The following NAALADL2 variants were observed in gnomAD, a reference collection of about 807,000 sequenced individuals.
NAALADL2 encodes the protein N-acetylated alpha-linked acidic dipeptidase like 2.
NAALADL2 carries 76 observed loss-of-function variants against 87.2 expected under a neutral mutation model. That is an observed-to-expected ratio of 0.87 (90% CI 0.72 to 1.05). NAALADL2 has a LOEUF of 1.05. Ranked by LOEUF, NAALADL2 falls within the 50% of genes least tolerant of loss-of-function variation. The pLI is 0.00. For missense variants in NAALADL2, 1,089 were observed against 945.8 expected, an observed-to-expected ratio of 1.15 and a Z score of -1.99; for synonymous variants, 354 against 331.0, an observed-to-expected ratio of 1.07 and a Z score of -0.75.
intron 2 of NAALADL2, among the ~76,000 whole-genome samples, chr3:175,159,711 G>C (rs1732837019): frequency 6.6e-6 from 1 of 152,154 alleles, no homozygotes; most frequent in African/African-American, 2.4e-5. Flanking sequence ...TAGTACCTAA[G>C]TAGTTTTGTG....
At chr3:175,458,335 C>T (rs1722626366) in intron 6 of NAALADL2, among the ~76,000 whole-genome samples, 1 of 151,340 alleles carries the variant, frequency 6.6e-6, no homozygotes, top group Admixed American at 6.6e-5. Context: ...TCTATACACT[C>T]AGATTTATAT....
At chr3:175,302,180 C>T (rs1757164539) in intron 4 of NAALADL2, among the ~76,000 whole-genome samples, 2 of 152,116 alleles carry the variant, frequency 1.3e-5, no homozygotes, top group Admixed American at 1.3e-4. Flanking sequence ...TAAGTTATTA[C>T]AATCTTCAAA....
At chr3:175,472,593 A>G (rs1006186916) in intron 9 of NAALADL2, among the ~76,000 whole-genome samples, 26 of 143,948 alleles carry the variant, frequency 1.8e-4, no homozygotes, top group Admixed American at 6.7e-4. Flanking sequence ...AACTAGACAA[A>G]GAGAGAGGCA....
chr3:175,038,761 G>A (rs1007330790), intron 1 of NAALADL2, among the ~76,000 whole-genome samples: 8 of 151,982 alleles, frequency 5.3e-5, no homozygotes, highest in African/African-American at 1.7e-4. Context: ...TAAATTTTAC[G>A]TGCTGAGGTG....
rs1435588955 is a variant in NAALADL2, at chr3:174,655,097, T to C, written c.-114-82544T>C. 2.6e-5 allele frequency among the ~76,000 whole-genome samples: 4 copies of C among 152,192 alleles called. No individual in the cohort carries two copies. In the East Asian group the frequency reaches 7.7e-4, roughly 29 times the overall value. On this transcript the variant is annotated intron_variant, in intron 2 of 3. Transcript: ENST00000434257. ...AGTGTGACTGCATGCATATTTATTT[T>C]TTAGAATTAAAAATTAATTACATTA...
At chr3:175,562,001 T>C (rs1406937792) in intron 9 of NAALADL2, among the ~76,000 whole-genome samples, 1 of 152,202 alleles carries the variant, frequency 6.6e-6, no homozygotes, top group Non-Finnish European at 1.5e-5. Context: ...GTGTGCTTTT[T>C]GTGTCTGTCT....
At chr3:174,886,166 G>C (rs1213894216) in intron 1 of NAALADL2, among the ~76,000 whole-genome samples, 1 of 151,846 alleles carries the variant, frequency 6.6e-6, no homozygotes, top group African/African-American at 2.4e-5. Flanking sequence ...ACCCACCTTG[G>C]CCTCCCAAAG....
At chr3:174,833,837 T>G (rs970177371) in intron 3 of NAALADL2, among the ~76,000 whole-genome samples, 2 of 150,010 alleles carry the variant, frequency 1.3e-5, no homozygotes, top group African/African-American at 4.9e-5. Context: ...CAAAAGAGAT[T>G]TGCCAAAATT....
At chr3:174,801,930 A>G (rs1464766990) in intron 3 of NAALADL2, among the ~76,000 whole-genome samples, 1 of 152,084 alleles carries the variant, frequency 6.6e-6, no homozygotes, top group Non-Finnish European at 1.5e-5. Flanking sequence ...TTGTGTTTCC[A>G]AAATTAATGC....
chr3:175,529,497 G>A (rs1733828783), intron 9 of NAALADL2, among the ~76,000 whole-genome samples: 1 of 152,126 alleles, frequency 6.6e-6, no homozygotes. Context: ...TCCTGGCTGT[G>A]GGAGAAACAG....
In NAALADL2 at chr3:175,086,352, A is replaced by G. The variant is rs543810755; in HGVS notation, c.44-10438A>G. Among the ~76,000 whole-genome samples the G allele has an allele frequency of 2.4e-3, 365 of 152,268 alleles. 1 individual carries two copies. Among genetic ancestry groups the G allele is most frequent in the Non-Finnish European group, 3.8e-3 (258 of 68,000 alleles). The stretch of plus-strand genomic sequence containing the variant: ...AAGAATAGAAAGGTAAAAATGAAAT[A>G]ATGAGAAAGGCTGAAGGGAGGAAAA... On this transcript the variant is annotated intron_variant, in intron 1 of 13. Transcript: ENST00000454872.
chr3:175,259,772 G>A (rs1275777760), intron 4 of NAALADL2, among the ~76,000 whole-genome samples: 2 of 152,150 alleles, frequency 1.3e-5, no homozygotes, highest in Non-Finnish European at 2.9e-5. Context: ...GGCCGGTCAT[G>A]GTGGCTCACA....
intron 1 of NAALADL2, among the ~76,000 whole-genome samples, chr3:174,985,678 C>T (rs942539857): frequency 7.2e-5 from 11 of 152,026 alleles, no homozygotes; most frequent in Admixed American, 2.6e-4. Context: ...GTAGGTTGGG[C>T]GCAATGGCTC....
chr3:174,802,630 C>G (rs998297648), intron 3 of NAALADL2, among the ~76,000 whole-genome samples: 1 of 152,136 alleles, frequency 6.6e-6, no homozygotes, highest in Non-Finnish European at 1.5e-5. Context: ...TATCCCTTCC[C>G]CAGCCCACCA....
chr3:174,644,158 G>A (rs1723542209), intron 2 of NAALADL2, among the ~76,000 whole-genome samples: 1 of 152,138 alleles, frequency 6.6e-6, no homozygotes, highest in Non-Finnish European at 1.5e-5. Context: ...ATTGGTATGG[G>A]TTAGACAAAG....
intron 2 of NAALADL2, among the ~76,000 whole-genome samples, chr3:174,591,174 C>T (rs1717322587): frequency 1.3e-5 from 2 of 152,170 alleles, no homozygotes; most frequent in Non-Finnish European, 2.9e-5. Flanking sequence ...TTGAGATGGA[C>T]AAATCTCCAT....
chr3:175,295,711 GCACACAAACACA>G (rs1228093469), intron 4 of NAALADL2, among the ~76,000 whole-genome samples: 7 of 46,546 alleles, frequency 1.5e-4, no homozygotes, highest in South Asian at 1.5e-3. Context: ...TGATACACAT[GCACACAAACACA>G]CACACACACA....
intron 1 of NAALADL2, among the ~76,000 whole-genome samples, chr3:175,067,797 C>A (rs1231087280): frequency 6.6e-6 from 1 of 152,060 alleles, no homozygotes; most frequent in Non-Finnish European, 1.5e-5. Context: ...CTTGTATGTT[C>A]ATCACAGCAC....
chr3:175,070,303 A>T (rs998055900), intron 1 of NAALADL2, among the ~76,000 whole-genome samples: 46 of 149,158 alleles, frequency 3.1e-4, no homozygotes, highest in African/African-American at 1.1e-3. Context: ...TAGGATTCGA[A>T]CATAGAATTA....
Sources: allele counts gnomAD v4.1 joint callset (sites outside exome capture counted in the v4.1 genomes callset), GRCh38; gene constraint gnomAD v4.1.1; transcripts MANE v1.5; gene names NCBI Gene and HGNC (gene_info 2026-07-23, HGNC 2026-07-21).